PRKCE: variants seen among roughly 807,000 people sequenced by gnomAD.
PRKCE encodes protein kinase C epsilon.
Under a neutral mutation model 85.4 loss-of-function variants are expected in PRKCE, and 16 were observed. That is an observed-to-expected ratio of 0.19 (90% CI 0.13 to 0.28). The LOEUF (loss-of-function observed/expected upper bound fraction) is 0.28. PRKCE is among the 10% of genes least tolerant of loss of function. The probability of loss-of-function intolerance (pLI) is 1.00; values close to 1 mark genes in which losing one functional copy is unlikely to be tolerated. For missense variants in PRKCE, 573 were observed against 975.2 expected, an observed-to-expected ratio of 0.59 and a Z score of 5.49; for synonymous variants, 388 against 371.5, an observed-to-expected ratio of 1.04 and a Z score of -0.51.
At chr2:45,833,667 T>C (rs1690618758) in intron 1 of PRKCE, among the ~76,000 whole-genome samples, 1 of 152,218 alleles carries the variant, frequency 6.6e-6, no homozygotes. Flanking sequence ...ACCTTTACTT[T>C]CAATCTCTGA....
intron 1 of PRKCE, among the ~76,000 whole-genome samples, chr2:45,812,144 C>T (rs958714646): frequency 6.6e-6 from 1 of 152,226 alleles, no homozygotes; most frequent in African/African-American, 2.4e-5. Flanking sequence ...TAAAGATCTG[C>T]ATCTGTGAAA....
At chr2:45,861,775 A>C (rs1171920859) in intron 2 of PRKCE, among the ~76,000 whole-genome samples, 1 of 152,228 alleles carries the variant, frequency 6.6e-6, no homozygotes, top group Non-Finnish European at 1.5e-5. Context: ...AAACAGCAGA[A>C]TATTGAAGGC....
At chr2:46,112,045 T>C (rs1202420389) in intron 11 of PRKCE, among the ~76,000 whole-genome samples, 1 of 152,210 alleles carries the variant, frequency 6.6e-6, no homozygotes, top group Non-Finnish European at 1.5e-5. Context: ...TTCTATCATT[T>C]CTTGCCTCTG....
rs181462044 is a variant in PRKCE at position 45,912,213 on chromosome 2, C to T, written c.413-64216C>T. The stretch of plus-strand genomic sequence containing the variant: ...TAATCCCTGGAGTCTCTACAACACT[C>T]TGAAGATAGGCAGGGAAGGTGTTAT... On this transcript the variant is annotated intron_variant, in intron 2 of 14. Coordinates refer to ENST00000306156, the MANE Select transcript of PRKCE (RefSeq NM_005400.3). Among the ~76,000 whole-genome samples the T allele has an allele frequency of 1.3e-5, 2 of 152,108 alleles. 1 individual carries two copies. Among genetic ancestry groups the T allele is most frequent in the Admixed American group, 1.3e-4 (2 of 15,266 alleles).
intron 11 of PRKCE, among the ~76,000 whole-genome samples, chr2:46,117,378 A>G (rs1289447172): frequency 6.6e-6 from 1 of 152,224 alleles, no homozygotes; most frequent in African/African-American, 2.4e-5. Context: ...AGTAGATCTG[A>G]TTTCTGAAAA....
At chr2:45,761,574 A>G (rs1028979925) in intron 1 of PRKCE, among the ~76,000 whole-genome samples, 11 of 152,104 alleles carry the variant, frequency 7.2e-5, no homozygotes, top group Non-Finnish European at 1.6e-4. Context: ...CCCCAGCCTG[A>G]GGAAGATTCC....
intron 1 of PRKCE, among the ~76,000 whole-genome samples, chr2:45,760,868 G>A (rs954679289): frequency 2.0e-5 from 3 of 152,114 alleles, no homozygotes; most frequent in Non-Finnish European, 4.4e-5. Flanking sequence ...GAGGCATAAA[G>A]GGAAACGCAC....
At chr2:46,095,319 T>C (rs1234269875) in intron 11 of PRKCE, among the ~76,000 whole-genome samples, 2 of 152,160 alleles carry the variant, frequency 1.3e-5, no homozygotes, top group African/African-American at 4.8e-5. Context: ...TGAAGCCAGA[T>C]TAGAGGACCC....
chr2:46,136,252 G>A lies in PRKCE; in HGVS notation c.1593-8841G>A, dbSNP rs115877971. On this transcript the variant is annotated intron_variant, in intron 11 of 14. Coordinates refer to ENST00000306156, the MANE Select transcript of PRKCE (RefSeq NM_005400.3). Reference sequence around the variant, plus strand: ...AGCGAAGAATAAAGGAGCATTACAGGGCTCTTCTGTGGTGAATTTTCAAGT... The same window carrying A: ...AGCGAAGAATAAAGGAGCATTACAGAGCTCTTCTGTGGTGAATTTTCAAGT... Among the ~76,000 whole-genome samples, 1,003 of 152,148 alleles carry A rather than the reference G, an allele frequency of 6.6e-3. 9 individuals carry two copies. The highest frequency in any genetic ancestry group is 0.024 in the African/African-American group (977 of 41,518).
rs74671154 is a variant in PRKCE at position 46,080,615 on chromosome 2, C to G, written c.1438-5593C>G. ...CTAGTTGCTGGACTACAGTAAGGAA[C>G]TAAAGCCACAAAAATTCCTCCTCTC... On this transcript the variant is annotated intron_variant, in intron 10 of 14. Coordinates refer to ENST00000306156, the MANE Select transcript of PRKCE (RefSeq NM_005400.3). 7.2e-3 allele frequency among the ~76,000 whole-genome samples: 1,098 copies of G among 152,280 alleles called. 16 individuals are homozygous for G. Among genetic ancestry groups the G allele is most frequent in the East Asian group, 0.039 (200 of 5,180 alleles).
chr2:46,135,237 A>G (rs1026367155), intron 11 of PRKCE, among the ~76,000 whole-genome samples: 3 of 152,364 alleles, frequency 2.0e-5, no homozygotes, highest in South Asian at 2.1e-4. Context: ...GCATGTTTCC[A>G]TGAGTTAGAA....
At position 45,950,079 on chromosome 2, in the gene PRKCE, G is replaced by A. The variant is rs145886132; in HGVS notation, c.413-26350G>A. On this transcript the variant is annotated intron_variant, in intron 2 of 14. Coordinates refer to ENST00000306156, the MANE Select transcript of PRKCE (RefSeq NM_005400.3). ...GAGAATGGTTATTACATCTATTCAA[G>A]TTTTTAATTTCTTTTTAAGTATTAT... 5.9e-5 allele frequency among the ~76,000 whole-genome samples: 9 copies of A among 152,204 alleles called. No homozygotes were observed. The East Asian group carries it at 1.7e-3, about 29-fold the overall frequency.
intron 2 of PRKCE, among the ~76,000 whole-genome samples, chr2:45,962,337 T>C (rs573943396): frequency 1.0e-3 from 155 of 152,324 alleles, no homozygotes; most frequent in African/African-American, 3.5e-3. Context: ...ATATTTACCT[T>C]CTAGACAAAG....
rs1418998732 is a variant in PRKCE, at chr2:46,155,715, A to G, written c.1921-3891A>G. Among the ~76,000 whole-genome samples, 3 of 152,042 alleles carry G rather than the reference A, an allele frequency of 2.0e-5. No homozygotes were observed. The highest frequency in any genetic ancestry group is 2.9e-5 in the Non-Finnish European group (2 of 68,000). ...CTAAACAGACCAGAAATGGGGTGCA[A>G]TCCCTCTCTCCCCATCACAGCTAGT... is the stretch of plus-strand genomic sequence containing the variant. On this transcript the variant is annotated intron_variant, in intron 13 of 14. Coordinates refer to ENST00000306156, the MANE Select transcript of PRKCE (RefSeq NM_005400.3). The surrounding 1 kb of genome is among the most constrained non-coding windows in gnomAD (Gnocchi z 4.7).
At chr2:45,680,555 G>A (rs1474418414) in intron 1 of PRKCE, among the ~76,000 whole-genome samples, 3 of 152,186 alleles carry the variant, frequency 2.0e-5, no homozygotes, top group Non-Finnish European at 2.9e-5. Context: ...TGAACCAAAC[G>A]GGGAAAGTAA....
intron 1 of PRKCE, among the ~76,000 whole-genome samples, chr2:45,751,341 C>T (rs141598429): frequency 6.6e-6 from 1 of 152,096 alleles, no homozygotes; most frequent in African/African-American, 2.4e-5. Flanking sequence ...GGTAATTGTT[C>T]AATATGTTAT....
chr2:45,931,865 C>G (rs2104060616), intron 2 of PRKCE, among the ~76,000 whole-genome samples: 1 of 152,202 alleles, frequency 6.6e-6, no homozygotes, highest in African/African-American at 2.4e-5. Context: ...TGCTGCCACA[C>G]TCAGCTAATT....
intron 1 of PRKCE, among the ~76,000 whole-genome samples, chr2:45,751,849 G>A (rs999596298): frequency 1.1e-5 from 1 of 93,852 alleles, no homozygotes; most frequent in Non-Finnish European, 2.0e-5. Flanking sequence ...ACGGAGGCTC[G>A]CTCTGTCGCC....
intron 2 of PRKCE, among the ~76,000 whole-genome samples, chr2:45,884,881 A>C (rs1695129539): frequency 6.8e-6 from 1 of 148,138 alleles, no homozygotes; most frequent in South Asian, 2.1e-4. Context: ...AATTGTCTGC[A>C]CCTGTGCATA....
Sources: gnomAD v4.1 joint callset for allele counts (sites outside exome capture counted in the v4.1 genomes callset) on GRCh38, gnomAD v4.1.1 for gene constraint, Gnocchi (gnomAD v3.1) non-coding constraint, MANE v1.5 for transcripts, NCBI Gene and HGNC (gene_info 2026-07-23, HGNC 2026-07-21) for gene names.